CEMIP: variants seen among roughly 807,000 people sequenced by gnomAD.
CEMIP encodes cell migration-inducing and hyaluronan-binding protein.
A neutral mutation model predicts 156.9 loss-of-function variants in CEMIP; 105 were observed. That is an observed-to-expected ratio of 0.67 (90% CI 0.57 to 0.79). CEMIP has a LOEUF of 0.79. Ranked by LOEUF, CEMIP falls within the 30% of genes least tolerant of loss-of-function variation. The pLI, the probability that CEMIP is intolerant of heterozygous loss-of-function variation, is 0.00. For synonymous variants in CEMIP, 676 were observed against 668.4 expected, an observed-to-expected ratio of 1.01 and a Z score of -0.17; for missense variants, 1,457 against 1,769.4, an observed-to-expected ratio of 0.82 and a Z score of 3.17.
At chr15:80,919,369 C>T (rs750603573) in intron 14 of CEMIP, among the ~76,000 whole-genome samples, 14 of 152,220 alleles carry the variant, frequency 9.2e-5, no homozygotes, top group Non-Finnish European at 1.8e-4. Context: ...ACACAGGGCA[C>T]TCAGCTGTGT....
chr15:80,896,549 C>T (rs1212967141), intron 12 of CEMIP, among the ~76,000 whole-genome samples: 1 of 152,182 alleles, frequency 6.6e-6, no homozygotes, highest in Non-Finnish European at 1.5e-5. Flanking sequence ...CAATCTACTA[C>T]AAAATTTTTA....
intron 1 of CEMIP, among the ~76,000 whole-genome samples, chr15:80,856,432 A>G (rs1897854032): frequency 6.6e-6 from 1 of 152,260 alleles, no homozygotes; most frequent in South Asian, 2.1e-4. Flanking sequence ...GCAATAACAC[A>G]GCAAAATGTT....
At position 80,920,277 on chromosome 15, in the gene CEMIP, C is replaced by G. The variant is rs1900423587; in HGVS notation, c.1981C>G (p.Pro661Ala). ...ITEDSYPGYI[P>A]KPRQDCNAVS... ...AGAGGACTCCTACCCGGGGTACATC[C>G]CCAAGCCCAGGCAAGACTGCAAGTA... Residue 661 changes from proline to alanine, a missense_variant, in exon 15 of 30, where the codon CCC (proline) becomes GCC (alanine). Transcript: ENST00000394685. 1 of 1,614,124 alleles carries G rather than the reference C, an allele frequency of 6.2e-7. No individual in the cohort carries two copies. Among genetic ancestry groups the G allele is most frequent in the Non-Finnish European group, 8.5e-7 (1 of 1,179,972 alleles).
intron 1 of CEMIP, among the ~76,000 whole-genome samples, chr15:80,802,837 C>T (rs1007581785): frequency 2.6e-5 from 4 of 152,136 alleles, no homozygotes; most frequent in Non-Finnish European, 5.9e-5. Context: ...CCTGTGTTTT[C>T]TCATTTGTAC....
At chr15:80,914,538 C>T (rs994471371) in intron 14 of CEMIP, among the ~76,000 whole-genome samples, 5 of 152,186 alleles carry the variant, frequency 3.3e-5, no homozygotes, top group African/African-American at 1.2e-4. Flanking sequence ...CCCAGGGACA[C>T]ATCCTCCCTC....
intron 14 of CEMIP, among the ~76,000 whole-genome samples, chr15:80,914,494 A>G (rs1900188913): frequency 6.6e-6 from 1 of 152,166 alleles, no homozygotes; most frequent in South Asian, 2.1e-4. Flanking sequence ...GGTGCCATCT[A>G]TATGGACTGC....
chr15:80,854,468 C>G (rs556294496), intron 1 of CEMIP, among the ~76,000 whole-genome samples: 3 of 152,372 alleles, frequency 2.0e-5, no homozygotes, highest in Admixed American at 6.5e-5. Flanking sequence ...GAACGCAAGG[C>G]TGACCTGTGA....
At position 80,936,888 on chromosome 15, in the gene CEMIP, G is replaced by A; in HGVS notation, c.3221+3G>A. ...ATCTGGCTCATCAACTTCAACAAGT[G>A]AGTGGGTGTCCAGCCAGGAGCAGTG... On this transcript the variant is annotated splice_donor_region_variant and intron_variant, in intron 24 of 29. Coordinates refer to ENST00000394685, the MANE Select transcript of CEMIP (RefSeq NM_001293298.2). 1.2e-6 allele frequency: 2 copies of A among 1,613,786 alleles called. No homozygotes were observed. Among genetic ancestry groups the A allele is most frequent in the Non-Finnish European group, 1.7e-6 (2 of 1,179,846 alleles).
intron 1 of CEMIP, among the ~76,000 whole-genome samples, chr15:80,810,511 G>A (rs1896637872): frequency 6.6e-6 from 1 of 152,194 alleles, no homozygotes; most frequent in South Asian, 2.1e-4. Flanking sequence ...GGGACTACAG[G>A]CGCCCTCCAC....
chr15:80,785,429 C>T (rs984283803), intron 1 of CEMIP, among the ~76,000 whole-genome samples: 2 of 152,160 alleles, frequency 1.3e-5, no homozygotes, highest in African/African-American at 2.4e-5. Context: ...AATTGTGTTC[C>T]GTCACCCACC....
intron 1 of CEMIP, among the ~76,000 whole-genome samples, chr15:80,839,353 G>A (rs999984168): frequency 2.3e-4 from 33 of 145,326 alleles, no homozygotes; most frequent in East Asian, 2.0e-4. Context: ...CTTCAACAGA[G>A]GCCAGACTTA....
chr15:80,841,236 A>ATGCAGGACGACCTATACACATC (rs1222199691), intron 1 of CEMIP, among the ~76,000 whole-genome samples: 3 of 152,216 alleles, frequency 2.0e-5, no homozygotes, highest in African/African-American at 7.2e-5. Context: ...TAAAAACACT[A>ATGCAGGACGACCTATACACATC]TGCAGGACGA....
At chr15:80,891,370 C>T (rs568050815) in intron 10 of CEMIP, among the ~76,000 whole-genome samples, 23 of 152,294 alleles carry the variant, frequency 1.5e-4, no homozygotes, top group Non-Finnish European at 1.6e-4. Context: ...GCTGAGAGCT[C>T]CATAAGCCAA....
intron 3 of CEMIP, among the ~76,000 whole-genome samples, chr15:80,875,284 C>T (rs1310528270): frequency 6.6e-6 from 1 of 152,086 alleles, no homozygotes; most frequent in African/African-American, 2.4e-5. Flanking sequence ...ATCCTTCAGC[C>T]TCGGTCTCCC....
Position 80,906,143 on chromosome 15 carries a change from C to T in CEMIP, c.1412-520C>T, listed in dbSNP as rs1416119201. Among the ~76,000 whole-genome samples, 2 of 152,210 alleles carry T rather than the reference C, an allele frequency of 1.3e-5. No homozygotes were observed. The highest frequency in any genetic ancestry group is 4.8e-5 in the African/African-American group (2 of 41,450). Reference sequence around the variant, plus strand: ...GGGTTCTGTTTTATCTTCCTAAGATCGGCAATCTACGGTATCATCCAGAGA... The same window carrying T: ...GGGTTCTGTTTTATCTTCCTAAGATTGGCAATCTACGGTATCATCCAGAGA... On this transcript the variant is annotated intron_variant, in intron 12 of 29. Transcript: ENST00000394685. This position sits in a 1 kb window ranked among gnomAD's most constrained non-coding sequence, Gnocchi z 4.3.
rs970545520 is a variant in CEMIP, at chr15:80,856,355, G to T, written c.-175-17183G>T. ...TGTTTAAGGGGAAATGTGGACGGTG[G>T]TGTCTTCACTTTACTGTGAAATGCA... On this transcript the variant is annotated intron_variant, in intron 1 of 29. Transcript: ENST00000394685. 1.1e-4 allele frequency among the ~76,000 whole-genome samples: 16 copies of T among 152,230 alleles called. No individual in the cohort carries two copies. The East Asian group carries it at 1.5e-3, about 15-fold the overall frequency.
At position 80,786,120 on chromosome 15, in the gene CEMIP, C is replaced by T. The variant is rs138940874; in HGVS notation, c.-176+6506C>T. ...AGTTCTCTCAAAAAGTTCCACAGAG[C>T]TCTGTGGGTTCCAAGGAGCACACTC... On this transcript the variant is annotated intron_variant, in intron 1 of 29. Coordinates refer to ENST00000394685, the MANE Select transcript of CEMIP (RefSeq NM_001293298.2). 1.0e-3 allele frequency among the ~76,000 whole-genome samples: 156 copies of T among 152,278 alleles called. 1 individual carries two copies. In the Middle Eastern group the frequency reaches 0.017, roughly 17 times the overall value.
At chr15:80,812,273 G>T (rs1015069166) in intron 1 of CEMIP, among the ~76,000 whole-genome samples, 1 of 152,184 alleles carries the variant, frequency 6.6e-6, no homozygotes, top group African/African-American at 2.4e-5. Flanking sequence ...GTGGTGGCCT[G>T]CATCTGGGGA....
At chr15:80,833,313 C>A (rs575484955) in intron 1 of CEMIP, among the ~76,000 whole-genome samples, 2 of 152,228 alleles carry the variant, frequency 1.3e-5, no homozygotes, top group East Asian at 3.9e-4. Context: ...CTCCACCCAC[C>A]GAGATATTGC....
Sources: allele counts gnomAD v4.1 joint callset (sites outside exome capture counted in the v4.1 genomes callset), GRCh38; gene constraint gnomAD v4.1.1; non-coding constraint Gnocchi (gnomAD v3.1); transcripts MANE v1.5; gene names NCBI Gene and HGNC (gene_info 2026-07-23, HGNC 2026-07-21).